GLIS3: variants seen among roughly 807,000 people sequenced by gnomAD.
The protein encoded by GLIS3 is zinc finger protein GLIS3.
Under a neutral mutation model 78.6 loss-of-function variants are expected in GLIS3, and 53 were observed. That is an observed-to-expected ratio of 0.67 (90% CI 0.54 to 0.85). The LOEUF is 0.85. Ranked by LOEUF, GLIS3 falls within the 40% of genes least tolerant of loss-of-function variation. The pLI is 0.00. For missense variants in GLIS3, 1,703 were observed against 1,231.1 expected, an observed-to-expected ratio of 1.38 and a Z score of -5.74; for synonymous variants, 684 against 509.9, an observed-to-expected ratio of 1.34 and a Z score of -4.60.
intron 6 of GLIS3, among the ~76,000 whole-genome samples, chr9:3,903,770 AAG>A (rs1358257890): frequency 6.6e-6 from 1 of 152,168 alleles, no homozygotes; most frequent in Non-Finnish European, 1.5e-5. Context: ...AAAAAAGAAA[AAG>A]AAGATAAAGG....
At chr9:3,966,070 T>C (rs1817914126) in intron 4 of GLIS3, among the ~76,000 whole-genome samples, 1 of 152,246 alleles carries the variant, frequency 6.6e-6, no homozygotes, top group African/African-American at 2.4e-5. Context: ...AAATGTGAAA[T>C]TGTGGTCTTT....
At chr9:4,397,695 AG>A in the GLIS3 span, among the ~76,000 whole-genome samples, 2 of 3,826 alleles carry the variant, frequency 5.2e-4, no homozygotes, top group African/African-American at 8.9e-4. Context: ...GGAGGGAGGG[AG>A]GGAGGGAGGA....
the GLIS3 span, among the ~76,000 whole-genome samples, chr9:4,456,138 C>G: frequency 1.3e-5 from 2 of 152,152 alleles, no homozygotes; most frequent in East Asian, 1.9e-4. Context: ...TTACACTATA[C>G]TGTAGTCTAT....
Position 4,280,660 on chromosome 9 carries a change from T to G in GLIS3, c.388+5378A>C, listed in dbSNP as rs192075915. Among the ~76,000 whole-genome samples, 67 of 152,248 alleles carry G rather than the reference T, an allele frequency of 4.4e-4. 1 individual carries two copies. Among genetic ancestry groups the G allele is most frequent in the African/African-American group, 1.5e-3 (62 of 41,516 alleles). Reference sequence around the variant, plus strand: ...GTTAATTTAAATGGGAATAGCTGGGTAGGGCACCTGGGAAAGCTGTTTGAA... The same window carrying G: ...GTTAATTTAAATGGGAATAGCTGGGGAGGGCACCTGGGAAAGCTGTTTGAA... On this transcript the variant is annotated intron_variant, in intron 2 of 10. Coordinates refer to ENST00000381971, the MANE Select transcript of GLIS3 (RefSeq NM_001042413.2).
At chr9:4,247,419 T>C (rs1387275900) in intron 2 of GLIS3, among the ~76,000 whole-genome samples, 1 of 152,172 alleles carries the variant, frequency 6.6e-6, no homozygotes, top group Non-Finnish European at 1.5e-5. Context: ...ATATAAAGTA[T>C]GCAAAAATAA....
chr9:3,950,169 T>C (rs1339572164), intron 4 of GLIS3, among the ~76,000 whole-genome samples: 1 of 152,130 alleles, frequency 6.6e-6, no homozygotes, highest in African/African-American at 2.4e-5. Context: ...TAAATACTTC[T>C]CTCCATCAAT....
chr9:3,879,362 G>A, intron 8 of GLIS3, 65 bp downstream of exon 8: 1 of 1,473,880 alleles, frequency 6.8e-7, no homozygotes, highest in African/African-American at 1.4e-5. Context: ...AACTGTCAAG[G>A]CACTTGTCTG....
At chr9:4,195,326 T>C (rs1192877232) in intron 2 of GLIS3, among the ~76,000 whole-genome samples, 1 of 151,894 alleles carries the variant, frequency 6.6e-6, no homozygotes, top group African/African-American at 2.4e-5. Context: ...ACTGGGGCTG[T>C]GCACGGTGCT....
At chr9:4,334,958 G>C (rs956938222) in intron 2 of GLIS3, among the ~76,000 whole-genome samples, 1 of 146,466 alleles carries the variant, frequency 6.8e-6, no homozygotes, top group African/African-American at 2.6e-5. Flanking sequence ...ACCCAGGCTG[G>C]AGTGCAGTGG....
intron 2 of GLIS3, among the ~76,000 whole-genome samples, chr9:4,332,004 A>G (rs188083106): frequency 4.3e-4 from 65 of 152,316 alleles, no homozygotes; most frequent in African/African-American, 1.4e-3. Context: ...GGGAGTCCTT[A>G]TGTACTTAAA....
chr9:4,036,723 C>T (rs1276048368), intron 4 of GLIS3, among the ~76,000 whole-genome samples: 1 of 152,128 alleles, frequency 6.6e-6, no homozygotes, highest in Non-Finnish European at 1.5e-5. Context: ...CAAATTAATT[C>T]CCACCATAGT....
rs186450430 is a variant in GLIS3, at chr9:4,143,589, A to G, written c.389-17648T>C. ...CAAAAAAAAAAATAAAAACAAAAAA[A>G]AACTACTCTCTTAATAAATTTCAGG... On this transcript the variant is annotated intron_variant, in intron 2 of 10. Transcript: ENST00000381971. 2.8e-3 allele frequency among the ~76,000 whole-genome samples: 427 copies of G among 152,172 alleles called. 1 individual carries two copies. The highest frequency in any genetic ancestry group is 9.7e-3 in the African/African-American group (404 of 41,520).
the GLIS3 span, among the ~76,000 whole-genome samples, chr9:4,445,735 T>C: frequency 1.3e-5 from 2 of 152,198 alleles, no homozygotes; most frequent in Non-Finnish European, 2.9e-5. Flanking sequence ...ACACAGCATG[T>C]TAGGCGCAAC....
intron 4 of GLIS3, among the ~76,000 whole-genome samples, chr9:4,068,758 C>G (rs1453512301): frequency 6.6e-6 from 1 of 151,924 alleles, no homozygotes; most frequent in Non-Finnish European, 1.5e-5. Context: ...CGAAAAAGAG[C>G]ACTGTCAAGG....
At chr9:3,892,362 G>T (rs1223018716) in intron 7 of GLIS3, among the ~76,000 whole-genome samples, 3 of 152,206 alleles carry the variant, frequency 2.0e-5, no homozygotes, top group Non-Finnish European at 4.4e-5. Context: ...AGTGTTAATG[G>T]TTTGAGTCAC....
chr9:4,237,907 A>T (rs1822920605), intron 2 of GLIS3, among the ~76,000 whole-genome samples: 1 of 152,162 alleles, frequency 6.6e-6, no homozygotes, highest in African/African-American at 2.4e-5. Flanking sequence ...TTCCCTAGTT[A>T]ATTCACTAGC....
chr9:4,455,524 C>G, the GLIS3 span, among the ~76,000 whole-genome samples: 2 of 152,110 alleles, frequency 1.3e-5, no homozygotes, highest in African/African-American at 4.8e-5. Context: ...AACAAGTTAT[C>G]CTGGGTGGAT....
At chr9:3,950,903 C>G (rs1410925143) in intron 4 of GLIS3, among the ~76,000 whole-genome samples, 1 of 152,180 alleles carries the variant, frequency 6.6e-6, no homozygotes, top group East Asian at 1.9e-4. Flanking sequence ...AACTATGCTT[C>G]TAGGGCTTAA....
At chr9:4,097,363 G>A (rs1444604971) in intron 4 of GLIS3, among the ~76,000 whole-genome samples, 1 of 151,998 alleles carries the variant, frequency 6.6e-6, no homozygotes, top group Non-Finnish European at 1.5e-5. Context: ...AGAAGGAACA[G>A]GGAAACACAC....
Sources: allele counts gnomAD v4.1 joint callset (sites outside exome capture counted in the v4.1 genomes callset), GRCh38; gene constraint gnomAD v4.1.1; transcripts MANE v1.5; gene names NCBI Gene and HGNC (gene_info 2026-07-23, HGNC 2026-07-21).